MTUS2: variants seen among roughly 807,000 people sequenced by gnomAD.
MTUS2 encodes microtubule associated scaffold protein 2.
MTUS2 carries 40 observed loss-of-function variants against 114.1 expected under a neutral mutation model. The observed-to-expected ratio is 0.35, with a 90% confidence interval of 0.27 to 0.46. The LOEUF (loss-of-function observed/expected upper bound fraction) is 0.46, where lower values mean the gene tolerates loss of function less well. MTUS2 is among the 20% of genes least tolerant of loss of function. MTUS2 has a pLI of 1.00. For synonymous variants in MTUS2, 688 were observed against 672.0 expected (o/e 1.02, Z -0.37); for missense variants, 1,679 against 1,705.4 (o/e 0.98, Z 0.27).
intron 4 of MTUS2, among the ~76,000 whole-genome samples, chr13:29,042,900 A>G (rs995075187): frequency 6.6e-5 from 10 of 151,922 alleles, no homozygotes; most frequent in South Asian, 2.1e-4. Context: ...AATTTTGTCT[A>G]TCTTTTCAAA....
At chr13:28,904,132 T>G (rs981864419) in intron 2 of MTUS2, among the ~76,000 whole-genome samples, 1 of 152,200 alleles carries the variant, frequency 6.6e-6, no homozygotes, top group African/African-American at 2.4e-5. Context: ...GTAAATTTAT[T>G]GGAGTTCATT....
chr13:28,949,772 A>G (rs1049836655), intron 2 of MTUS2, among the ~76,000 whole-genome samples: 1 of 152,212 alleles, frequency 6.6e-6, no homozygotes, highest in Non-Finnish European at 1.5e-5. Context: ...TCCATGTTAT[A>G]GAATGTGCCA....
In MTUS2 at chr13:29,354,240, A is replaced by ATT. The variant is rs5802516; in HGVS notation, c.2906-5004_2906-5003dup. 5.1e-3 allele frequency among the ~76,000 whole-genome samples: 612 copies of ATT among 120,368 alleles called. 8 individuals are homozygous for ATT. Among genetic ancestry groups the ATT allele is most frequent in the African/African-American group, 0.018 (561 of 31,806 alleles). The allele number at this position is 120,368 out of a possible 152,430, so 79.0% of individuals were successfully genotyped here. On this transcript the variant is annotated intron_variant, in intron 7 of 15. Transcript: ENST00000612955. ...AACCATTGTCTTGTATATTTTGGGCATTTTTTTTTTTTTTTTTTTGCTGGT... is the reference window on the plus strand; with the variant it reads ...AACCATTGTCTTGTATATTTTGGGCATTTTTTTTTTTTTTTTTTTTTGCTGGT...
intron 2 of MTUS2, among the ~76,000 whole-genome samples, chr13:28,923,528 C>G (rs1333465812): frequency 6.6e-6 from 1 of 152,202 alleles, no homozygotes; most frequent in Non-Finnish European, 1.5e-5. Context: ...GATGCTCCCT[C>G]TGGTCCCTGC....
chr13:29,168,955 A>G (rs1389456321), intron 5 of MTUS2, among the ~76,000 whole-genome samples: 1 of 146,426 alleles, frequency 6.8e-6, no homozygotes, highest in Non-Finnish European at 1.5e-5. Flanking sequence ...TTTCTAGGTC[A>G]TGTACAGGTC....
rs949318988 is a variant in MTUS2, at chr13:28,850,196, C to T, written c.-243+10346C>T. On this transcript the variant is annotated intron_variant, in intron 2 of 15. Transcript: ENST00000612955. ...TACTTACCTGGACAAAGAAAGAGAC[C>T]TGAAGGAGTACTTTTATATTGTCCG... is the stretch of plus-strand genomic sequence containing the variant. Among the ~76,000 whole-genome samples, 3 of 152,148 alleles carry T rather than the reference C, an allele frequency of 2.0e-5. No individual in the cohort carries two copies. In the South Asian group the frequency reaches 6.2e-4, roughly 32 times the overall value.
At chr13:29,441,332 G>A (rs1166599881) in intron 9 of MTUS2, among the ~76,000 whole-genome samples, 1 of 152,210 alleles carries the variant, frequency 6.6e-6, no homozygotes, top group Non-Finnish European at 1.5e-5. Flanking sequence ...GGAAAGAGGA[G>A]CGGGAGGGGA....
chr13:28,822,942 T>A (rs1874009505), intron 1 of MTUS2, among the ~76,000 whole-genome samples: 2 of 152,208 alleles, frequency 1.3e-5, no homozygotes, highest in Admixed American at 1.3e-4. Flanking sequence ...GCCACTGAAA[T>A]CAGGCACATA....
At chr13:29,167,216 A>G (rs1191590609) in intron 5 of MTUS2, among the ~76,000 whole-genome samples, 2 of 152,138 alleles carry the variant, frequency 1.3e-5, no homozygotes, top group African/African-American at 2.4e-5. Flanking sequence ...CTACTAAAAA[A>G]TACAAAAAAT....
intron 8 of MTUS2, among the ~76,000 whole-genome samples, chr13:29,389,543 A>ATGTATATATGTATACACGTGTGTG (rs199825425): frequency 1.1e-5 from 1 of 91,888 alleles, no homozygotes; most frequent in South Asian, 3.4e-4. Context: ...ACACGTGTGT[A>ATGTATATATGTATACACGTGTGTG]TATGTATACA....
intron 2 of MTUS2, among the ~76,000 whole-genome samples, chr13:28,897,303 C>G (rs1040055121): frequency 6.6e-6 from 1 of 152,172 alleles, no homozygotes; most frequent in Non-Finnish European, 1.5e-5. Flanking sequence ...AAAAAATGCT[C>G]ATCATCACTG....
intron 2 of MTUS2, among the ~76,000 whole-genome samples, chr13:28,858,142 G>T (rs746573408): frequency 6.6e-6 from 1 of 152,096 alleles, no homozygotes; most frequent in Non-Finnish European, 1.5e-5. Flanking sequence ...CATATGCTTG[G>T]GAGTTTCAGG....
At chr13:29,497,101 C>T in intron 12 of MTUS2, 137 bp from the exon 13 acceptor site, 2 of 721,750 alleles carry the variant, frequency 2.8e-6, no homozygotes, top group Non-Finnish European at 2.4e-6. Flanking sequence ...TCCTTTGGCA[C>T]CTCTTTCTTC....
At chr13:28,949,663 T>C (rs780805148) in intron 2 of MTUS2, among the ~76,000 whole-genome samples, 9 of 152,226 alleles carry the variant, frequency 5.9e-5, no homozygotes, top group Non-Finnish European at 1.2e-4. Flanking sequence ...TCTGTCTCTA[T>C]GAATATGACT....
chr13:29,193,775 C>T (rs1215499186), intron 5 of MTUS2, among the ~76,000 whole-genome samples: 1 of 152,006 alleles, frequency 6.6e-6, no homozygotes. Flanking sequence ...AAAAAGAGCC[C>T]TCATTGCCAA....
chr13:29,151,004 A>C (rs1892643857), intron 5 of MTUS2, among the ~76,000 whole-genome samples: 1 of 152,086 alleles, frequency 6.6e-6, no homozygotes, highest in South Asian at 2.1e-4. Context: ...TTTTTGCCTA[A>C]GATTGCTTTG....
intron 2 of MTUS2, among the ~76,000 whole-genome samples, chr13:29,016,589 C>G (rs1886077188): frequency 6.6e-6 from 1 of 151,974 alleles, no homozygotes; most frequent in Non-Finnish European, 1.5e-5. Context: ...CTTCTTTATT[C>G]TTTCTACTCA....
At chr13:28,940,260 A>G (rs1463751867) in intron 2 of MTUS2, among the ~76,000 whole-genome samples, 1 of 150,814 alleles carries the variant, frequency 6.6e-6, no homozygotes, top group Non-Finnish European at 1.5e-5. Context: ...TGTGTTGTGT[A>G]CATATGATGG....
chr13:29,387,598 C>T (rs1421263238), intron 8 of MTUS2, among the ~76,000 whole-genome samples: 2 of 152,232 alleles, frequency 1.3e-5, no homozygotes, highest in African/African-American at 4.8e-5. Context: ...GAGGGAGACC[C>T]GCGAGGGGCT....
Sources: allele counts gnomAD v4.1 joint callset (sites outside exome capture counted in the v4.1 genomes callset), GRCh38; gene constraint gnomAD v4.1.1; transcripts MANE v1.5; gene names NCBI Gene and HGNC (gene_info 2026-07-23, HGNC 2026-07-21).